The following ABI3BP variants were observed in gnomAD, a reference collection of about 807,000 sequenced individuals.
ABI3BP encodes target of Nesh-SH3.
In ABI3BP, 216 loss-of-function variants were observed where a neutral mutation model predicts 268.6. The ratio of observed to expected loss-of-function variants is 0.80; its 90% confidence interval spans 0.72 to 0.90. The LOEUF is 0.90. Among genes scored for constraint, ABI3BP ranks in the 40% least tolerant of loss-of-function variants. The pLI is 0.00. For missense variants in ABI3BP, 2,090 were observed against 2,182.4 expected, an observed-to-expected ratio of 0.96 and a Z score of 0.84; for synonymous variants, 730 against 730.0, an observed-to-expected ratio of 1.00 and a Z score of 0.00.
intron 1 of ABI3BP, among the ~76,000 whole-genome samples, chr3:100,987,205 T>TA (rs1164843946): frequency 5.9e-5 from 9 of 152,212 alleles, no homozygotes; most frequent in African/African-American, 2.2e-4. Flanking sequence ...GTGATCCAGA[T>TA]AGAGTGATTG....
intron 2 of ABI3BP, among the ~76,000 whole-genome samples, chr3:100,924,565 C>T (rs1322230257): frequency 6.6e-6 from 1 of 152,084 alleles, no homozygotes; most frequent in African/African-American, 2.4e-5. Flanking sequence ...ATTCAAGCTG[C>T]ATGCTGAGAT....
At chr3:100,773,064 C>T (rs558561154) in intron 61 of ABI3BP, among the ~76,000 whole-genome samples, 7 of 135,066 alleles carry the variant, frequency 5.2e-5, no homozygotes, top group South Asian at 2.3e-4. Context: ...GGCAACAGAG[C>T]GAGAGTCCAT....
In ABI3BP at chr3:100,812,585, G is replaced by C. The variant is rs1173404304; in HGVS notation, c.3365-62C>G. 1.6e-5 allele frequency: 18 copies of C among 1,099,132 alleles called. No individual in the cohort carries two copies. The East Asian group carries it at 5.3e-4, about 32-fold the overall frequency. The allele number at this position is 1,099,132 out of a possible 1,614,324, so 68.1% of individuals were successfully genotyped here. ...ATAGGTTGTAAGTATTTATAAAAGT[G>C]CTTTGCATCCAGTAAGTGTTCAATG... is the stretch of plus-strand genomic sequence containing the variant. On this transcript the variant is annotated intron_variant, in intron 45 of 67. Transcript: ENST00000471714.
chr3:100,751,172 G>A (rs1351406391), intron 67 of ABI3BP, among the ~76,000 whole-genome samples: 1 of 151,922 alleles, frequency 6.6e-6, no homozygotes, highest in East Asian at 1.9e-4. Context: ...TGCAAGGTAA[G>A]TACTATTTTT....
At chr3:100,907,980 G>C (rs2054271095) in intron 2 of ABI3BP, among the ~76,000 whole-genome samples, 7 of 151,994 alleles carry the variant, frequency 4.6e-5, no homozygotes, top group Admixed American at 4.6e-4. Flanking sequence ...GCCGGGCGTG[G>C]TGGTGGGTGC....
intron 1 of ABI3BP, among the ~76,000 whole-genome samples, chr3:100,985,775 C>T (rs2091561230): frequency 6.6e-6 from 1 of 152,222 alleles, no homozygotes; most frequent in Non-Finnish European, 1.5e-5. Context: ...TAATTAACCT[C>T]AAGCACTGAG....
chr3:100,834,410 C>T (rs1252436401), intron 29 of ABI3BP, among the ~76,000 whole-genome samples: 1 of 152,128 alleles, frequency 6.6e-6, no homozygotes, highest in Non-Finnish European at 1.5e-5. Context: ...GACACCTAAT[C>T]AGGTCAGTTT....
Position 100,823,494 on chromosome 3 carries a change from G to A in ABI3BP, c.2767C>T (p.Pro923Ser), listed in dbSNP as rs1305075413. ...TKPVPATVLE[P>S]VTLRPEASTT... Reference sequence around the variant, plus strand: ...GAGGCCTCAGGTCTAAGAGTGACAGGTTCTAGGACTGTAGCAGGAACTGAC... The same window carrying A: ...GAGGCCTCAGGTCTAAGAGTGACAGATTCTAGGACTGTAGCAGGAACTGAC... Residue 923 changes from proline (P) to serine (S), a missense_variant, in exon 37 of 68, where the codon CCT (proline) becomes TCT (serine). By Grantham distance (74) the Pro-to-Ser change is moderately conservative. Coordinates refer to ENST00000471714, the MANE Select transcript of ABI3BP (RefSeq NM_001375547.2). The A allele has an allele frequency of 2.6e-6, 4 of 1,534,344 alleles. No individual in the cohort carries two copies. Among genetic ancestry groups the A allele is most frequent in the Non-Finnish European group, 1.7e-6 (2 of 1,146,108 alleles).
chr3:100,834,857 T>C, intron 28 of ABI3BP, 84 bp from the exon 29 acceptor site: 1 of 1,284,632 alleles, frequency 7.8e-7, no homozygotes, highest in Non-Finnish European at 1.1e-6. Context: ...TTTTCTAAAG[T>C]TTTCCTAAGT....
At chr3:100,900,195 T>C (rs926885881) in intron 3 of ABI3BP, among the ~76,000 whole-genome samples, 14 of 152,214 alleles carry the variant, frequency 9.2e-5, no homozygotes, top group African/African-American at 3.4e-4. Context: ...GACCCAGCTG[T>C]AATTGTGCCT....
At position 100,897,395 on chromosome 3, in the gene ABI3BP, T is replaced by A. The variant is rs375115812; in HGVS notation, c.461+1367A>T. On this transcript the variant is annotated intron_variant, in intron 4 of 67. Transcript: ENST00000471714. The stretch of plus-strand genomic sequence containing the variant: ...AAAATGTTTATACAGTCTGTATTCA[T>A]ATACATAAAAAAAAACAACATAATT... Among the ~76,000 whole-genome samples, 5 of 149,594 alleles carry A rather than the reference T, an allele frequency of 3.3e-5. No individual in the cohort carries two copies. In the East Asian group the frequency reaches 5.8e-4, roughly 17 times the overall value.
At position 100,806,111 on chromosome 3, in the gene ABI3BP, T is replaced by C. The variant is rs569858655; in HGVS notation, c.3683-1245A>G. ...GCTTTCTTTCAGATTTTAGATCCCA[T>C]TTTGCCTTTGAATGCCAAACATAGA... On this transcript the variant is annotated intron_variant, in intron 50 of 67. Transcript: ENST00000471714. 5.9e-5 allele frequency among the ~76,000 whole-genome samples: 9 copies of C among 152,222 alleles called. No individual in the cohort carries two copies. In the East Asian group the frequency reaches 1.4e-3, roughly 23 times the overall value.
Position 100,817,474 on chromosome 3 carries a change from G to T in ABI3BP, c.3110C>A (p.Pro1037His). The T allele has an allele frequency of 6.6e-7, 1 of 1,508,290 alleles. No individual in the cohort carries two copies. The highest frequency in any genetic ancestry group is 8.9e-7 in the Non-Finnish European group (1 of 1,129,012). 93.4% of individuals were successfully genotyped at this position (1,508,290 alleles called of 1,614,324 possible). A position where few individuals can be genotyped will look rare whatever the true frequency, so the allele number is the denominator to read the frequency against. Residue 1037 changes from proline (P) to histidine (H), a missense_variant, in exon 42 of 68, where the codon CCT becomes CAT. Transcript: ENST00000471714. ...KTMVVTTVLE[P>H]DTFRTKFPET... ...TGGAAACTTGGTTCTAAAAGTGTCA[G>T]GTTCAAGGACTGTAGTAACAACTAG...
intron 63 of ABI3BP, among the ~76,000 whole-genome samples, chr3:100,765,485 G>A (rs898860742): frequency 5.3e-5 from 8 of 152,174 alleles, no homozygotes; most frequent in African/African-American, 1.7e-4. Flanking sequence ...CCTTTCCAGC[G>A]TTTTAATTTT....
chr3:100,806,182 A>T (rs1167491485), intron 50 of ABI3BP, among the ~76,000 whole-genome samples: 2 of 152,114 alleles, frequency 1.3e-5, no homozygotes, highest in Non-Finnish European at 2.9e-5. Flanking sequence ...AAAACTAACA[A>T]TAAAAGTTAC....
Position 100,787,758 on chromosome 3 carries a change from C to T in ABI3BP, c.4132G>A (p.Gly1378Arg). 6.5e-7 allele frequency: 1 copy of T among 1,532,602 alleles called. No individual in the cohort carries two copies. The highest frequency in any genetic ancestry group is 8.7e-7 in the Non-Finnish European group (1 of 1,145,032). The allele number at this position is 1,532,602 out of a possible 1,614,324, so 94.9% of individuals were successfully genotyped here. Residue 1378 changes from glycine (G) to arginine (R), a missense_variant, in exon 57 of 68, where the codon GGG (glycine) becomes AGG (arginine). Physicochemically the swap from Gly to Arg is moderately radical, Grantham distance 125. Transcript: ENST00000471714. ...CCCACTCCATTCCCACTGGGCATCC[C>T]ACTGGGTTTGGGCCTAGTAGGTCTT... is the stretch of plus-strand genomic sequence containing the variant. ...TTRPTRPKPS[G>R]MPSGNGVGTG...
At chr3:100,788,820 T>A (rs1054938133) in intron 56 of ABI3BP, among the ~76,000 whole-genome samples, 1 of 151,818 alleles carries the variant, frequency 6.6e-6, no homozygotes, top group African/African-American at 2.4e-5. Context: ...GTCCTTAGAA[T>A]CACAAAGAAA....
At chr3:100,837,382 T>A in intron 26 of ABI3BP, 2 of 455,286 alleles carry the variant, frequency 4.4e-6, no homozygotes, top group Non-Finnish European at 7.6e-6. Context: ...AAATTTCAAC[T>A]GCAAAACAGT....
intron 8 of ABI3BP, 75 bp from the exon 9 acceptor site, chr3:100,875,008 G>A (rs772763637): frequency 2.1e-5 from 17 of 815,378 alleles, no homozygotes; most frequent in Non-Finnish European, 3.1e-5. Context: ...CAGCACATCA[G>A]ATATTACAAA....
Sources: gnomAD v4.1 joint callset for allele counts (sites outside exome capture counted in the v4.1 genomes callset) on GRCh38, gnomAD v4.1.1 for gene constraint, MANE v1.5 for transcripts, NCBI Gene and HGNC (gene_info 2026-07-23, HGNC 2026-07-21) for gene names.